The following WDR35 variants were observed in gnomAD, a reference collection of about 807,000 sequenced individuals.
The protein encoded by WDR35 is WD repeat-containing protein 35.
A neutral mutation model predicts 158.3 loss-of-function variants in WDR35; 118 were observed. That is an observed-to-expected ratio of 0.75 (90% CI 0.64 to 0.87). The LOEUF (loss-of-function observed/expected upper bound fraction) is 0.87, where lower values mean the gene tolerates loss of function less well. Among genes scored for constraint, WDR35 ranks in the 40% least tolerant of loss-of-function variants. The pLI is 0.00. For synonymous variants in WDR35, 448 were observed against 476.1 expected (o/e 0.94, Z 0.77); for missense variants, 1,263 against 1,405.8 (o/e 0.90, Z 1.62).
chr2:19,967,343 T>C (rs1366380016), intron 9 of WDR35, among the ~76,000 whole-genome samples: 1 of 151,822 alleles, frequency 6.6e-6, no homozygotes, highest in Non-Finnish European at 1.5e-5. Flanking sequence ...CAGAGTAACA[T>C]ATTCACATAA....
rs757752778 is a variant in WDR35, at chr2:19,953,867, T to C, written c.1367A>G (p.Gln456Arg). ...CCCTTCTTTTCGAGACCGTGTGATCTGATTAATTTCCAATGCTGTGAGCTT... is the reference window on the plus strand; with the variant it reads ...CCCTTCTTTTCGAGACCGTGTGATCCGATTAATTTCCAATGCTGTGAGCTT... ...AKKLTALEIN[Q>R]ITRSRKEGRE... Residue 456 changes from glutamine (Q) to arginine (R), a missense_variant, in exon 12 of 27, where the codon CAG becomes CGG. Transcript: ENST00000281405. The C allele has an allele frequency of 6.8e-6, 11 of 1,614,174 alleles. No homozygotes were observed. Among genetic ancestry groups the C allele is most frequent in the East Asian group, 2.2e-5 (1 of 44,866 alleles).
chr2:19,978,543 TA>T (rs34926699), intron 5 of WDR35, among the ~76,000 whole-genome samples: 1 of 152,136 alleles, frequency 6.6e-6, no homozygotes, highest in African/African-American at 2.4e-5. Flanking sequence ...CTGTAGGAAA[TA>T]AAAAAATTTC....
chr2:19,921,199 T>C (rs532471630), intron 25 of WDR35, among the ~76,000 whole-genome samples: 2 of 152,158 alleles, frequency 1.3e-5, no homozygotes, highest in African/African-American at 2.4e-5. Context: ...CAAGCTACCA[T>C]TGACTTTCTT....
chr2:19,932,252 AATC>A, intron 23 of WDR35, 28 bp downstream of exon 23: 1 of 1,612,404 alleles, frequency 6.2e-7, no homozygotes, highest in Non-Finnish European at 8.5e-7. Context: ...GACTGGAACA[AATC>A]AACTATTCAC....
intron 11 of WDR35, among the ~76,000 whole-genome samples, chr2:19,954,536 A>G (rs1671361163): frequency 6.6e-6 from 1 of 152,236 alleles, no homozygotes; most frequent in South Asian, 2.1e-4. Context: ...TCTACAGTGA[A>G]GATACACAAA....
intron 9 of WDR35, among the ~76,000 whole-genome samples, chr2:19,967,522 C>T (rs1280198765): frequency 6.6e-6 from 1 of 151,992 alleles, no homozygotes; most frequent in Non-Finnish European, 1.5e-5. Context: ...TACACACTTA[C>T]AGCTTTCCCT....
intron 25 of WDR35, among the ~76,000 whole-genome samples, chr2:19,929,911 G>A (rs1242381357): frequency 6.6e-6 from 1 of 151,900 alleles, no homozygotes; most frequent in African/African-American, 2.4e-5. Flanking sequence ...CAAGATAAAT[G>A]CTATAGCAAT....
At chr2:19,962,237 C>G in intron 10 of WDR35, 1 of 1,595,994 alleles carries the variant, frequency 6.3e-7, no homozygotes, top group Non-Finnish European at 8.6e-7. Context: ...TCAGCTATAA[C>G]CTCAAAACTC....
At chr2:19,985,722 A>T (rs1257005289) in intron 2 of WDR35, among the ~76,000 whole-genome samples, 2 of 61,126 alleles carry the variant, frequency 3.3e-5, no homozygotes, top group Non-Finnish European at 7.0e-5. Flanking sequence ...CGTCTCTACT[A>T]AAAAAAAAAA....
chr2:19,989,265 G>T lies in WDR35; in HGVS notation c.42C>A (p.Asn14Lys), dbSNP rs1431136981. The change falls in exon 2 of 27, where the codon AAC (asparagine) becomes AAA (lysine). Residue 14 changes from asparagine to lysine, a missense_variant. Coordinates refer to ENST00000281405, the MANE Select transcript of WDR35 (RefSeq NM_020779.4). Reference protein sequence around the residue: ...YLSKKISIPNNVKLQCVSWNK... With the variant: ...YLSKKISIPNKVKLQCVSWNK... ...TCCAGGATACACACTGCAGCTTCAC[G>T]TTATTGGGAATGGAAATCTGAAAAA... 1 of 1,614,112 alleles carries T rather than the reference G, an allele frequency of 6.2e-7. No homozygotes were observed. The highest frequency in any genetic ancestry group is 1.7e-5 in the Admixed American group (1 of 60,022).
chr2:19,963,381 CTT>C lies in WDR35; in HGVS notation c.1195-2769_1195-2768del, dbSNP rs1671731647. Among the ~76,000 whole-genome samples, 3 of 151,922 alleles carry C rather than the reference CTT, an allele frequency of 2.0e-5. No homozygotes were observed. The South Asian group carries it at 6.2e-4, about 32-fold the overall frequency. On this transcript the variant is annotated intron_variant, in intron 10 of 26. Transcript: ENST00000281405. ...TGTAGTCGATAATTGTATTTTTTCT[CTT>C]TGATTAGTCTTCTATGGGCTTATTA...
chr2:19,917,445 C>G (rs1162192137), intron 25 of WDR35, among the ~76,000 whole-genome samples: 4 of 152,248 alleles, frequency 2.6e-5, no homozygotes, highest in Admixed American at 2.6e-4. Context: ...ACAAACTCCT[C>G]CAAGGTAAAG....
intron 4 of WDR35, 120 bp downstream of exon 4, chr2:19,980,571 G>C: frequency 1.2e-6 from 1 of 806,770 alleles, no homozygotes; most frequent in South Asian, 1.5e-5. Flanking sequence ...TGTGCAGTCA[G>C]GATGAACTCC....
chr2:19,935,678 G>T, intron 20 of WDR35, 75 bp from the exon 21 acceptor site: 2 of 1,534,488 alleles, frequency 1.3e-6, no homozygotes, highest in Non-Finnish European at 1.8e-6. Context: ...CAACCAAAAT[G>T]TTCCTTCATC....
chr2:19,919,140 G>A (rs1056826887), intron 25 of WDR35, among the ~76,000 whole-genome samples: 9 of 152,000 alleles, frequency 5.9e-5, no homozygotes, highest in South Asian at 4.1e-4. Flanking sequence ...CAGCACTTTC[G>A]GAGGCCAAGG....
chr2:19,929,200 A>G (rs1336558110), intron 25 of WDR35, among the ~76,000 whole-genome samples: 2 of 152,208 alleles, frequency 1.3e-5, no homozygotes, highest in Non-Finnish European at 2.9e-5. Flanking sequence ...GGGAAAATCA[A>G]TATATATGAA....
At chr2:19,943,044 T>A (rs1670928152) in intron 16 of WDR35, among the ~76,000 whole-genome samples, 1 of 152,138 alleles carries the variant, frequency 6.6e-6, no homozygotes, top group South Asian at 2.1e-4. Flanking sequence ...TATTGTGATA[T>A]ACTGAGGTTT....
In WDR35 at chr2:19,974,472, G is replaced by A. The variant is rs990193280; in HGVS notation, c.732C>T (p.Asp244=). 1.9e-6 allele frequency: 3 copies of A among 1,601,794 alleles called. No homozygotes were observed. Among genetic ancestry groups the A allele is most frequent in the Non-Finnish European group, 2.6e-6 (3 of 1,175,238 alleles). The change falls in exon 7 of 27, where the codon GAC becomes GAT. Residue 244 remains aspartate (D), a synonymous_variant. Coordinates refer to ENST00000281405, the MANE Select transcript of WDR35 (RefSeq NM_020779.4). ...GRCQIMRHEN[D]QNPVLIDTGM... is the part of the protein sequence containing the mutation. ...TTAAACAGAAAAATTCCTTACTTTG[G>A]TCATTCTCATGTCTCATTATTTGGC...
chr2:19,926,823 C>A (rs1049653325), intron 25 of WDR35, among the ~76,000 whole-genome samples: 9 of 152,176 alleles, frequency 5.9e-5, no homozygotes, highest in Non-Finnish European at 8.8e-5. Flanking sequence ...AAATCAACAG[C>A]CGATTTGGAT....
Sources: allele counts gnomAD v4.1 joint callset (sites outside exome capture counted in the v4.1 genomes callset), GRCh38; gene constraint gnomAD v4.1.1; transcripts MANE v1.5; gene names NCBI Gene and HGNC (gene_info 2026-07-23, HGNC 2026-07-21).